Variants in SMARCA5 observed in about 807,000 individuals in gnomAD.
The protein encoded by SMARCA5 is SNF2 related chromatin remodeling ATPase 5, also known as SWI/SNF-related matrix-associated actin-dependent regulator of chromatin subfamily A member 5.
A neutral mutation model predicts 140.4 loss-of-function variants in SMARCA5; 18 were observed. The ratio of observed to expected loss-of-function variants is 0.13; its 90% CI spans 0.09 to 0.19. SMARCA5 has a LOEUF of 0.19. Among genes scored for constraint, SMARCA5 ranks in the 10% least tolerant of loss-of-function variants. SMARCA5 has a pLI of 1.00. For synonymous variants in SMARCA5, 449 were observed against 419.6 expected, an observed-to-expected ratio of 1.07 and a Z score of -0.86; for missense variants, 606 against 1,276.8, an observed-to-expected ratio of 0.47 and a Z score of 8.01.
chr4:143,557,044 A>G lies in SMARCA5; in HGVS notation c.*3860A>G, dbSNP rs1052466284. The G allele has an allele frequency of 6.6e-6, 1 of 152,256 alleles. No homozygotes were observed. The highest frequency in any genetic ancestry group is 1.5e-5 in the Non-Finnish European group (1 of 68,056). 9.4% of individuals were successfully genotyped at this position (152,256 alleles called of 1,614,324 possible). ...TACTCAAGACTGGCAACATGGGTCTACATTCTTTGTTACCACAGATTCCCT... is the reference window on the plus strand; with the variant it reads ...TACTCAAGACTGGCAACATGGGTCTGCATTCTTTGTTACCACAGATTCCCT... On this transcript the variant is annotated 3_prime_UTR_variant, in exon 24 of 24. Transcript: ENST00000283131.
At chr4:143,527,737 C>T in intron 6 of SMARCA5, 131 bp from the exon 7 acceptor site, 1 of 671,216 alleles carries the variant, frequency 1.5e-6, no homozygotes, top group Non-Finnish European at 2.4e-6. Flanking sequence ...TAAACGTTTG[C>T]ATAATATAGC....
intron 9 of SMARCA5, among the ~76,000 whole-genome samples, chr4:143,532,951 A>G (rs1737225361): frequency 6.6e-6 from 1 of 152,148 alleles, no homozygotes; most frequent in African/African-American, 2.4e-5. Flanking sequence ...TAGCTTTTCT[A>G]CGTGGTGATG....
intron 2 of SMARCA5, among the ~76,000 whole-genome samples, chr4:143,517,894 T>C (rs1216316993): frequency 6.6e-6 from 1 of 152,212 alleles, no homozygotes; most frequent in Admixed American, 6.5e-5. Context: ...ATTTGAAATA[T>C]GTGTAATATG....
In SMARCA5 at chr4:143,525,492, TTA is replaced by T. The variant is rs1287698977; in HGVS notation, c.563_564del (p.Leu188Ter). ...GKLRDYQVRG[L>X]NWLISLYENG... The stretch of plus-strand genomic sequence containing the variant: ...ACTGAGAGATTATCAGGTCCGAGGA[TTA>T]AACTGGCTCATTTCTTTGTATGAGA... On this transcript the variant is annotated frameshift_variant, in exon 5 of 24. Coordinates refer to ENST00000283131, the MANE Select transcript of SMARCA5 (RefSeq NM_003601.4). LOFTEE classifies it high-confidence loss of function. 1 of 1,613,732 alleles carries T rather than the reference TTA, an allele frequency of 6.2e-7. No individual in the cohort carries two copies. Among genetic ancestry groups the T allele is most frequent in the Non-Finnish European group, 8.5e-7 (1 of 1,179,636 alleles).
chr4:143,544,093 C>T (rs955494324), intron 16 of SMARCA5, 121 bp downstream of exon 16: 5 of 569,676 alleles, frequency 8.8e-6, no homozygotes, highest in Non-Finnish European at 1.4e-5. Context: ...TGCTTATTCA[C>T]ATCTGAATAT....
At chr4:143,523,217 G>A (rs1038440925) in intron 3 of SMARCA5, among the ~76,000 whole-genome samples, 1 of 151,994 alleles carries the variant, frequency 6.6e-6, no homozygotes, top group Admixed American at 6.6e-5. Flanking sequence ...GGTAGAGATG[G>A]GGTTTCACCA....
At chr4:143,539,390 T>A (rs1360741794) in intron 13 of SMARCA5, among the ~76,000 whole-genome samples, 1 of 152,198 alleles carries the variant, frequency 6.6e-6, no homozygotes, top group African/African-American at 2.4e-5. Context: ...TCTTCCACTT[T>A]AGTTATTTAA....
At chr4:143,518,114 A>C (rs1156465593) in intron 2 of SMARCA5, among the ~76,000 whole-genome samples, 1 of 152,148 alleles carries the variant, frequency 6.6e-6, no homozygotes, top group Non-Finnish European at 1.5e-5. Context: ...CAAAAAAAGA[A>C]ATATGCTCCT....
chr4:143,543,491 A>G lies in SMARCA5; in HGVS notation c.1904-18A>G, dbSNP rs368060895. 1 of 1,609,762 alleles carries G rather than the reference A, an allele frequency of 6.2e-7. No homozygotes were observed. Among genetic ancestry groups the G allele is most frequent in the South Asian group, 1.1e-5 (1 of 90,646 alleles). ...AAAGTCTGTTCAGTTAACATTATAC[A>G]ACACAATCTTTTTTCAGGGAGGCTT... is the stretch of plus-strand genomic sequence containing the variant. On this transcript the variant is annotated intron_variant, in intron 14 of 23. Coordinates refer to ENST00000283131, the MANE Select transcript of SMARCA5 (RefSeq NM_003601.4).
chr4:143,530,666 T>TA (rs1737165478), intron 9 of SMARCA5, 140 bp downstream of exon 9: 1 of 572,416 alleles, frequency 1.7e-6, no homozygotes, highest in Non-Finnish European at 3.1e-6. Flanking sequence ...ACTTAACTCT[T>TA]ACATCTTACA....
chr4:143,521,646 C>T (rs1736961312), intron 3 of SMARCA5, 51 bp downstream of exon 3: 1 of 1,435,928 alleles, frequency 7.0e-7, no homozygotes, highest in African/African-American at 1.4e-5. Context: ...TTTCGATAGT[C>T]TTCAGTGGAA....
intron 5 of SMARCA5, among the ~76,000 whole-genome samples, chr4:143,525,813 T>G (rs1027887327): frequency 2.0e-5 from 3 of 152,252 alleles, no homozygotes; most frequent in Non-Finnish European, 2.9e-5. Flanking sequence ...TTTATTTGCT[T>G]CCAGTTTTGT....
In SMARCA5 at chr4:143,555,265, C is replaced by G. The variant is rs2149826935; in HGVS notation, c.*2081C>G. ...CCTTCATGGGTCCAAAATTTGAAGA[C>G]TGATTGTTGTCATTGCCAAAATCAT... is the stretch of plus-strand genomic sequence containing the variant. On this transcript the variant is annotated 3_prime_UTR_variant, in exon 24 of 24. Coordinates refer to ENST00000283131, the MANE Select transcript of SMARCA5 (RefSeq NM_003601.4). 1.2e-6 allele frequency: 1 copy of G among 857,902 alleles called. No individual in the cohort carries two copies. Among genetic ancestry groups the G allele is most frequent in the Admixed American group, 1.7e-5 (1 of 58,132 alleles). The allele number at this position is 857,902 out of a possible 1,614,324, so 53.1% of individuals were successfully genotyped here.
rs896091740 is a variant in SMARCA5 at position 143,543,881 on chromosome 4, A to C, written c.2081A>C (p.Lys694Thr). The change falls in exon 16 of 24, where the codon AAG becomes ACG. Residue 694 changes from lysine (K) to threonine (T), a missense_variant. Lys to Thr is a moderately conservative substitution (Grantham distance 78). Coordinates refer to ENST00000283131, the MANE Select transcript of SMARCA5 (RefSeq NM_003601.4). ...GCAGAGATGAATGAAAAGCTCTCCA[A>C]GATGGGCGAAAGTTCACTTAGAAAC... ...KTAEMNEKLS[K>T]MGESSLRNFT... The C allele has an allele frequency of 1.2e-6, 2 of 1,610,900 alleles. No individual in the cohort carries two copies. The highest frequency in any genetic ancestry group is 1.7e-6 in the Non-Finnish European group (2 of 1,178,938).
chr4:143,538,786 G>A lies in SMARCA5; in HGVS notation c.1618G>A (p.Asp540Asn). The change falls in exon 13 of 24, where the codon GAC becomes AAC. Residue 540 changes from aspartate (D) to asparagine (N), a missense_variant and splice_region_variant. Transcript: ENST00000283131. ...GACAACCATTTTGTTTTATCCATAG[G>A]ACTCCATCAATGCATACAATGAACC... ...DGQTPHDERQ[D>N]SINAYNEPNS... 6.2e-7 allele frequency: 1 copy of A among 1,613,804 alleles called. No individual in the cohort carries two copies. The highest frequency in any genetic ancestry group is 1.1e-5 in the South Asian group (1 of 91,046).
Position 143,516,923 on chromosome 4 carries a change from G to A in SMARCA5, c.178-432G>A, listed in dbSNP as rs567818652. Reference sequence around the variant, plus strand: ...TAATATTCCAGAAGGTGGAAATCAGGGTGACTAATTCTGATTTCTTTGTAG... The same window carrying A: ...TAATATTCCAGAAGGTGGAAATCAGAGTGACTAATTCTGATTTCTTTGTAG... On this transcript the variant is annotated intron_variant, in intron 1 of 23. Transcript: ENST00000283131. Among the ~76,000 whole-genome samples the A allele has an allele frequency of 7.9e-5, 12 of 152,250 alleles. No individual in the cohort carries two copies. The East Asian group carries it at 1.2e-3, about 15-fold the overall frequency.
chr4:143,539,753 C>G (rs1406760811), intron 13 of SMARCA5, among the ~76,000 whole-genome samples: 2 of 152,030 alleles, frequency 1.3e-5, no homozygotes, highest in African/African-American at 4.8e-5. Context: ...TCAGGCTGGT[C>G]TCGAACTCCT....
chr4:143,514,469 A>G (rs185974564), intron 1 of SMARCA5: 54 of 192,200 alleles, frequency 2.8e-4, no homozygotes, highest in African/African-American at 1.2e-3. Context: ...TTTAGTTTCC[A>G]CCAAACTTCG....
chr4:143,545,318 C>T (rs1384322479), intron 17 of SMARCA5, 152 bp from the exon 18 acceptor site: 2 of 641,402 alleles, frequency 3.1e-6, no homozygotes, highest in Admixed American at 3.0e-5. Context: ...TGAATCTGTG[C>T]ATTTAAAATT....
Sources: gnomAD v4.1 joint callset for allele counts (sites outside exome capture counted in the v4.1 genomes callset) on GRCh38, gnomAD v4.1.1 for gene constraint, MANE v1.5 for transcripts, NCBI Gene and HGNC (gene_info 2026-07-23, HGNC 2026-07-21) for gene names.